GRID2: variants seen among roughly 807,000 people sequenced by gnomAD.
The protein encoded by GRID2 is glutamate receptor ionotropic, delta-2.
Under a neutral mutation model 114.8 loss-of-function variants are expected in GRID2, and 33 were observed. The observed-to-expected ratio is 0.29, with a 90% CI of 0.22 to 0.38. The LOEUF is 0.38. GRID2 is among the 10% of genes least tolerant of loss of function. The pLI, the probability that GRID2 is intolerant of heterozygous loss-of-function variation, is 1.00. For missense variants in GRID2, 1,184 were observed against 1,257.7 expected (o/e 0.94, Z 0.89); for synonymous variants, 505 against 449.9 (o/e 1.12, Z -1.55).
intron 14 of GRID2, among the ~76,000 whole-genome samples, chr4:93,750,210 T>A (rs1437592847): frequency 6.6e-6 from 1 of 152,242 alleles, no homozygotes; most frequent in Non-Finnish European, 1.5e-5. Context: ...ATTACTTTAG[T>A]GTTGGAACAA....
intron 1 of GRID2, among the ~76,000 whole-genome samples, chr4:93,783,326 T>A (rs1734519753): frequency 6.6e-6 from 1 of 152,364 alleles, no homozygotes; most frequent in African/African-American, 2.4e-5. Context: ...TTGGTTGAGT[T>A]CACACAATTA....
chr4:93,465,336 GATTA>G (rs752701140), intron 11 of GRID2, among the ~76,000 whole-genome samples: 91 of 151,824 alleles, frequency 6.0e-4, no homozygotes, highest in Non-Finnish European at 1.2e-3. Context: ...TAGAGTGTCA[GATTA>G]TTTAAAATTT....
At chr4:92,714,898 A>G (rs573266236) in intron 2 of GRID2, among the ~76,000 whole-genome samples, 19 of 152,328 alleles carry the variant, frequency 1.2e-4, no homozygotes, top group African/African-American at 4.6e-4. Flanking sequence ...GGTCTCTGAC[A>G]TGCCCTGGAG....
chr4:93,613,701 A>G (rs1384702457), intron 13 of GRID2, among the ~76,000 whole-genome samples: 1 of 145,148 alleles, frequency 6.9e-6, no homozygotes, highest in African/African-American at 2.5e-5. Context: ...TGGGAGAACC[A>G]CTGCTCTCTT....
chr4:92,325,990 C>A (rs1455523954), intron 1 of GRID2, among the ~76,000 whole-genome samples: 2 of 151,458 alleles, frequency 1.3e-5, no homozygotes, highest in Non-Finnish European at 3.0e-5. Context: ...TGTTTTCTCC[C>A]ATGTTTATGT....
At chr4:92,323,849 G>T (rs1726455116) in intron 1 of GRID2, among the ~76,000 whole-genome samples, 1 of 151,926 alleles carries the variant, frequency 6.6e-6, no homozygotes, top group South Asian at 2.1e-4. Context: ...CACATTGAGA[G>T]GTTAAGTGGC....
intron 13 of GRID2, among the ~76,000 whole-genome samples, chr4:93,527,720 A>G (rs2149509200): frequency 6.6e-6 from 1 of 152,282 alleles, no homozygotes; most frequent in Admixed American, 6.5e-5. Context: ...TACATGTAAC[A>G]TAAAATTCAC....
At chr4:93,428,281 A>T (rs1192025352) in intron 10 of GRID2, among the ~76,000 whole-genome samples, 1 of 152,140 alleles carries the variant, frequency 6.6e-6, no homozygotes, top group African/African-American at 2.4e-5. Context: ...AGATTTCTAT[A>T]AAGTAAAAAA....
chr4:93,644,810 AC>A (rs1250684448), intron 14 of GRID2, among the ~76,000 whole-genome samples: 1 of 152,134 alleles, frequency 6.6e-6, no homozygotes, highest in African/African-American at 2.4e-5. Flanking sequence ...TCAATTTAGG[AC>A]AAGGGGAATC....
At chr4:93,500,796 G>A (rs1300135602) in intron 12 of GRID2, among the ~76,000 whole-genome samples, 1 of 151,946 alleles carries the variant, frequency 6.6e-6, no homozygotes, top group Non-Finnish European at 1.5e-5. Context: ...CCCTGGGTCA[G>A]GATATATATT....
intron 1 of GRID2, among the ~76,000 whole-genome samples, chr4:92,492,062 T>C (rs1723169202): frequency 6.6e-6 from 1 of 152,210 alleles, no homozygotes; most frequent in African/African-American, 2.4e-5. Flanking sequence ...GCTTGCATTT[T>C]TAAATATTAT....
chr4:93,789,460 T>C (rs1292639820), intron 1 of GRID2, among the ~76,000 whole-genome samples: 1 of 152,210 alleles, frequency 6.6e-6, no homozygotes, highest in Admixed American at 6.5e-5. Context: ...TTACCTAATA[T>C]GCCAAATGGT....
chr4:92,513,290 T>A (rs1279417629), intron 1 of GRID2, among the ~76,000 whole-genome samples: 2 of 151,844 alleles, frequency 1.3e-5, no homozygotes, highest in Admixed American at 6.6e-5. Flanking sequence ...TTGAAATTGA[T>A]CAGTACAAGC....
At chr4:93,738,578 A>T (rs1731117078) in intron 14 of GRID2, among the ~76,000 whole-genome samples, 1 of 152,132 alleles carries the variant, frequency 6.6e-6, no homozygotes, top group African/African-American at 2.4e-5. Context: ...GAAATAGAAT[A>T]ATAGGGAGTC....
intron 1 of GRID2, among the ~76,000 whole-genome samples, chr4:92,318,579 C>T (rs1726135323): frequency 7.1e-6 from 1 of 141,258 alleles, no homozygotes; most frequent in African/African-American, 2.6e-5. Flanking sequence ...CAGTGGCACG[C>T]TCATGGCTTA....
rs368661056 is a variant in GRID2, at chr4:92,798,119, A to G, written c.244+207833A>G. Among the ~76,000 whole-genome samples, 15 of 152,106 alleles carry G rather than the reference A, an allele frequency of 9.9e-5. 1 individual carries two copies. In the East Asian group the frequency reaches 1.9e-3, roughly 20 times the overall value. On this transcript the variant is annotated intron_variant, in intron 2 of 15. Transcript: ENST00000282020. ...ATCATTGTTTTTAATATTTTCATTC[A>G]GTAAAACTTATTTGAAATGCTATTT...
chr4:93,385,921 A>G (rs1175771203), intron 8 of GRID2, among the ~76,000 whole-genome samples: 1 of 152,138 alleles, frequency 6.6e-6, no homozygotes, highest in Admixed American at 6.6e-5. Flanking sequence ...TCCTTTCTCT[A>G]TGTTGAGTTA....
intron 8 of GRID2, among the ~76,000 whole-genome samples, chr4:93,280,488 G>A (rs1752538841): frequency 6.6e-6 from 1 of 151,812 alleles, no homozygotes; most frequent in African/African-American, 2.4e-5. Flanking sequence ...AAAGATAAAT[G>A]GTGAATTTAA....
intron 1 of GRID2, among the ~76,000 whole-genome samples, chr4:92,514,449 A>G (rs987763281): frequency 6.6e-6 from 1 of 151,866 alleles, no homozygotes; most frequent in African/African-American, 2.4e-5. Flanking sequence ...AGTTTTTAAG[A>G]TATTTTACAT....
Sources: gnomAD v4.1 joint callset for allele counts (sites outside exome capture counted in the v4.1 genomes callset) on GRCh38, gnomAD v4.1.1 for gene constraint, MANE v1.5 for transcripts, NCBI Gene and HGNC (gene_info 2026-07-23, HGNC 2026-07-21) for gene names.